QTMAN: variants seen among roughly 807,000 people sequenced by gnomAD.
The protein encoded by QTMAN is tRNA-queuosine alpha-mannosyltransferase.
the QTMAN span, chr2:143,944,017 G>GA: frequency 1.3e-5 from 2 of 151,644 alleles, no homozygotes; most frequent in Admixed American, 6.6e-5. Context: ...TATTTTAAAA[G>GA]AAAAAAACAA....
the QTMAN span, among the ~76,000 whole-genome samples, chr2:144,256,596 A>G: frequency 6.6e-6 from 1 of 152,216 alleles, no homozygotes; most frequent in Non-Finnish European, 1.5e-5. Flanking sequence ...AAACTAACAC[A>G]GGAATAGAAA....
At chr2:144,296,027 C>G in the QTMAN span, among the ~76,000 whole-genome samples, 1 of 152,052 alleles carries the variant, frequency 6.6e-6, no homozygotes, top group Non-Finnish European at 1.5e-5. Flanking sequence ...CCAAATGATG[C>G]TGAGGTCAAA....
At chr2:144,242,425 A>G in the QTMAN span, among the ~76,000 whole-genome samples, 2 of 152,174 alleles carry the variant, frequency 1.3e-5, no homozygotes, top group Admixed American at 6.5e-5. Flanking sequence ...TCAATCATCC[A>G]CTAATCCAAC....
At chr2:144,144,740 C>T in the QTMAN span, among the ~76,000 whole-genome samples, 2 of 151,846 alleles carry the variant, frequency 1.3e-5, no homozygotes, top group African/African-American at 2.4e-5. Flanking sequence ...AGCCATTTTT[C>T]TATGTCAACT....
chr2:144,028,832 T>A, the QTMAN span, among the ~76,000 whole-genome samples: 1 of 152,234 alleles, frequency 6.6e-6, no homozygotes, highest in African/African-American at 2.4e-5. Context: ...TTGTTTTACT[T>A]GTATTTTGCT....
At chr2:144,227,940 G>A in the QTMAN span, among the ~76,000 whole-genome samples, 1 of 152,146 alleles carries the variant, frequency 6.6e-6, no homozygotes, top group African/African-American at 2.4e-5. Context: ...ACATACTTTT[G>A]ACCAATGAGA....
the QTMAN span, among the ~76,000 whole-genome samples, chr2:144,100,095 G>T: frequency 1.3e-5 from 2 of 152,142 alleles, no homozygotes; most frequent in African/African-American, 4.8e-5. Flanking sequence ...TGCTGATGAC[G>T]CTAATGCTCC....
chr2:143,962,966 C>G, the QTMAN span, among the ~76,000 whole-genome samples: 1 of 152,160 alleles, frequency 6.6e-6, no homozygotes, highest in Non-Finnish European at 1.5e-5. Context: ...TTCAATGCAA[C>G]TGCTCGGTCA....
the QTMAN span, among the ~76,000 whole-genome samples, chr2:144,008,189 T>C: frequency 6.6e-6 from 1 of 152,094 alleles, no homozygotes; most frequent in African/African-American, 2.4e-5. Context: ...ATAATACAAA[T>C]AGAGGGGCTA....
chr2:143,956,599 T>G, the QTMAN span, among the ~76,000 whole-genome samples: 97 of 152,272 alleles, frequency 6.4e-4, no homozygotes, highest in African/African-American at 2.3e-3. Context: ...TATGTTATTA[T>G]GCTTTACATT....
At chr2:144,035,831 T>C in the QTMAN span, among the ~76,000 whole-genome samples, 1 of 152,248 alleles carries the variant, frequency 6.6e-6, no homozygotes, top group African/African-American at 2.4e-5. Flanking sequence ...ATATTTACTC[T>C]GAAAATTCAG....
At chr2:143,941,912 A>C in the QTMAN span, 1 of 151,760 alleles carries the variant, frequency 6.6e-6, no homozygotes, top group African/African-American at 2.4e-5. Context: ...ATACAAAAAA[A>C]CTTTGTTTCT....
chr2:144,320,434 ATTTG>A, the QTMAN span, among the ~76,000 whole-genome samples: 1 of 152,176 alleles, frequency 6.6e-6, no homozygotes, highest in Non-Finnish European at 1.5e-5. Flanking sequence ...ACTAACAAGT[ATTTG>A]TTTGGCCAGA....
chr2:144,044,065 C>T, the QTMAN span, among the ~76,000 whole-genome samples: 2,258 of 152,266 alleles, frequency 0.015, 56 homozygotes, highest in African/African-American at 0.051. Flanking sequence ...TATTACTTCA[C>T]ATGAGCTCAG....
At chr2:143,995,772 C>T in the QTMAN span, among the ~76,000 whole-genome samples, 1 of 152,168 alleles carries the variant, frequency 6.6e-6, no homozygotes, top group Non-Finnish European at 1.5e-5. Context: ...CATATCTACG[C>T]TGATAACTCC....
At chr2:144,134,265 C>G in the QTMAN span, among the ~76,000 whole-genome samples, 1 of 152,100 alleles carries the variant, frequency 6.6e-6, no homozygotes, top group African/African-American at 2.4e-5. Context: ...TGGGAGTTTT[C>G]ATTTAAAGTT....
the QTMAN span, among the ~76,000 whole-genome samples, chr2:144,299,250 C>G: frequency 1.3e-5 from 2 of 152,166 alleles, no homozygotes; most frequent in African/African-American, 4.8e-5. Flanking sequence ...ACTCTGATGA[C>G]CTGCAGAAAA....
At chr2:143,964,610 T>C in the QTMAN span, among the ~76,000 whole-genome samples, 658 of 152,208 alleles carry the variant, frequency 4.3e-3, 26 homozygotes, top group East Asian at 0.1. Flanking sequence ...GTATAGCTGC[T>C]CTGATGAAAA....
the QTMAN span, among the ~76,000 whole-genome samples, chr2:143,964,656 T>C: frequency 6.6e-6 from 1 of 152,052 alleles, no homozygotes; most frequent in Non-Finnish European, 1.5e-5. Context: ...AAGGAGAAGA[T>C]GGAAGTGGAG....
Sources: gnomAD v4.1 joint callset for allele counts (sites outside exome capture counted in the v4.1 genomes callset) on GRCh38, gnomAD v4.1.1 for gene constraint, MANE v1.5 for transcripts, NCBI Gene and HGNC (gene_info 2026-07-23, HGNC 2026-07-21) for gene names.